NEDD4L: variants seen among roughly 807,000 people sequenced by gnomAD.
NEDD4L encodes E3 ubiquitin-protein ligase NEDD4-like.
A neutral mutation model predicts 148.9 loss-of-function variants in NEDD4L; 54 were observed. The ratio of observed to expected loss-of-function variants is 0.36; its 90% CI spans 0.29 to 0.45. NEDD4L has a LOEUF of 0.45. Among genes scored for constraint, NEDD4L ranks in the 20% least tolerant of loss-of-function variants. The pLI, the probability that NEDD4L is intolerant of heterozygous loss-of-function variation, is 1.00. For missense variants in NEDD4L, 856 were observed against 1,233.8 expected (o/e 0.69, Z 4.59); for synonymous variants, 433 against 440.7 (o/e 0.98, Z 0.22).
intron 27 of NEDD4L, 43 bp downstream of exon 27, chr18:58,387,541 A>G: frequency 6.8e-7 from 1 of 1,469,620 alleles, no homozygotes; most frequent in Non-Finnish European, 9.1e-7. Context: ...GGATTTTTTA[A>G]AGTATCTCTC....
At chr18:58,255,862 C>T in intron 5 of NEDD4L, 2 of 1,232,440 alleles carry the variant, frequency 1.6e-6, no homozygotes, top group Non-Finnish European at 2.0e-6. Context: ...CCATGTTCAT[C>T]CCGCAGCTCT....
At chr18:58,344,996 G>A (rs532118066) in intron 16 of NEDD4L, among the ~76,000 whole-genome samples, 18 of 152,326 alleles carry the variant, frequency 1.2e-4, no homozygotes, top group African/African-American at 4.1e-4. Flanking sequence ...TTGCAGCTGG[G>A]CAGATTGTAT....
At chr18:58,222,805 A>G (rs1330269575) in intron 2 of NEDD4L, among the ~76,000 whole-genome samples, 1 of 152,252 alleles carries the variant, frequency 6.6e-6, no homozygotes, top group African/African-American at 2.4e-5. Context: ...ATTCTTTAGT[A>G]CTTATTTCAT....
intron 1 of NEDD4L, among the ~76,000 whole-genome samples, chr18:58,112,142 A>G (rs1437275720): frequency 1.3e-5 from 2 of 152,200 alleles, no homozygotes; most frequent in Admixed American, 6.5e-5. Context: ...GTCAACATGT[A>G]TGTTTCATAA....
At chr18:58,311,070 TG>T (rs1197680120) in intron 5 of NEDD4L, among the ~76,000 whole-genome samples, 1 of 152,190 alleles carries the variant, frequency 6.6e-6, no homozygotes, top group Admixed American at 6.5e-5. Context: ...CCCAGACAGT[TG>T]GTAATAGTGG....
chr18:58,103,129 A>G (rs2084865532), intron 1 of NEDD4L, among the ~76,000 whole-genome samples: 3 of 151,762 alleles, frequency 2.0e-5, no homozygotes, highest in East Asian at 1.9e-4. Flanking sequence ...ACCTTTGTCT[A>G]TTTGTCTATG....
chr18:58,246,931 T>C (rs918282306), intron 3 of NEDD4L, among the ~76,000 whole-genome samples: 3 of 152,114 alleles, frequency 2.0e-5, no homozygotes, highest in Non-Finnish European at 2.9e-5. Flanking sequence ...TTCTAGCACT[T>C]TGGAGGCCGA....
chr18:58,286,550 A>G (rs548775370), intron 5 of NEDD4L, among the ~76,000 whole-genome samples: 2 of 152,272 alleles, frequency 1.3e-5, no homozygotes, highest in South Asian at 4.1e-4. Flanking sequence ...TATTATACTT[A>G]TCTAGTCTGC....
chr18:58,291,350 C>G (rs1281279139), intron 5 of NEDD4L, among the ~76,000 whole-genome samples: 1 of 152,226 alleles, frequency 6.6e-6, no homozygotes, highest in African/African-American at 2.4e-5. Context: ...TCCCTGACCA[C>G]AAGGATGCTG....
At chr18:58,073,278 C>A (rs771942504) in intron 1 of NEDD4L, among the ~76,000 whole-genome samples, 1 of 151,828 alleles carries the variant, frequency 6.6e-6, no homozygotes, top group Non-Finnish European at 1.5e-5. Context: ...TGTAAGGGAC[C>A]CAGAATAACC....
At chr18:58,261,018 T>C (rs771016439) in intron 5 of NEDD4L, among the ~76,000 whole-genome samples, 1 of 152,232 alleles carries the variant, frequency 6.6e-6, no homozygotes, top group Non-Finnish European at 1.5e-5. Flanking sequence ...ATCTGTAATA[T>C]ACAAGTCTTT....
chr18:58,193,261 T>C (rs1380012265), intron 2 of NEDD4L, among the ~76,000 whole-genome samples: 1 of 152,258 alleles, frequency 6.6e-6, no homozygotes, highest in East Asian at 1.9e-4. Flanking sequence ...ATATACTTAA[T>C]TTCACAGACT....
intron 1 of NEDD4L, among the ~76,000 whole-genome samples, chr18:58,058,806 G>T (rs1026268110): frequency 6.6e-6 from 1 of 152,144 alleles, no homozygotes; most frequent in African/African-American, 2.4e-5. Flanking sequence ...GCACCTTTCT[G>T]CATAGTTACT....
chr18:58,385,603 A>G lies in NEDD4L; in HGVS notation c.2487+17A>G. The G allele has an allele frequency of 1.9e-6, 3 of 1,609,604 alleles. No individual in the cohort carries two copies. Among genetic ancestry groups the G allele is most frequent in the Non-Finnish European group, 2.6e-6 (3 of 1,175,920 alleles). On this transcript the variant is annotated intron_variant, in intron 26 of 30. Coordinates refer to ENST00000400345, the MANE Select transcript of NEDD4L (RefSeq NM_001144967.3). ...TTCTTGGAGGTAAGCCATGCTGGCC[A>G]GGGTTCTCTGCCATGTGCCTCTGGT...
rs764818089 is a variant in NEDD4L at position 58,096,347 on chromosome 18, A to ATTTTAT, written c.48+51642_48+51643insTATTTT. Among the ~76,000 whole-genome samples the ATTTTAT allele has an allele frequency of 1.3e-3, 147 of 116,276 alleles. 1 individual carries two copies. Among genetic ancestry groups the ATTTTAT allele is most frequent in the Middle Eastern group, 4.4e-3 (1 of 226 alleles). The allele number at this position is 116,276 out of a possible 152,430, so 76.3% of individuals were successfully genotyped here. A position where few individuals can be genotyped will look rare whatever the true frequency, so the allele number is the denominator to read the frequency against. On this transcript the variant is annotated intron_variant, in intron 1 of 30. Transcript: ENST00000400345. ...GGCCTTAGTGTGATTATTTTATTTT[A>ATTTTAT]TTTATTTTATTTTATTTTATTTTAT...
chr18:58,174,681 G>A (rs531645479), intron 2 of NEDD4L, among the ~76,000 whole-genome samples: 52 of 152,260 alleles, frequency 3.4e-4, no homozygotes, highest in Non-Finnish European at 5.9e-4. Flanking sequence ...GGCTACGTGC[G>A]ACTGGAGGGA....
intron 5 of NEDD4L, among the ~76,000 whole-genome samples, chr18:58,282,645 T>C (rs965890355): frequency 2.6e-5 from 4 of 152,364 alleles, no homozygotes; most frequent in African/African-American, 9.6e-5. Flanking sequence ...CAAATTGAGT[T>C]TGAGTGTTTT....
intron 13 of NEDD4L, among the ~76,000 whole-genome samples, chr18:58,339,380 TTG>T (rs2042160572): frequency 6.6e-6 from 1 of 152,108 alleles, no homozygotes; most frequent in South Asian, 2.1e-4. Flanking sequence ...ACGTAGCTCT[TTG>T]TGTTGGCATC....
intron 5 of NEDD4L, among the ~76,000 whole-genome samples, chr18:58,281,144 A>G (rs2053006202): frequency 6.6e-6 from 1 of 151,536 alleles, no homozygotes; most frequent in Non-Finnish European, 1.5e-5. Flanking sequence ...TACCCAGCTA[A>G]TCTTTTATTT....
Sources: gnomAD v4.1 joint callset for allele counts (sites outside exome capture counted in the v4.1 genomes callset) on GRCh38, gnomAD v4.1.1 for gene constraint, MANE v1.5 for transcripts, NCBI Gene and HGNC (gene_info 2026-07-23, HGNC 2026-07-21) for gene names.